Variants in RIMS1 observed in about 807,000 individuals in gnomAD.
The protein encoded by RIMS1 is regulating synaptic membrane exocytosis protein 1.
RIMS1 carries 83 observed loss-of-function variants against 214.1 expected under a neutral mutation model. The observed-to-expected ratio is 0.39, with a 90% CI of 0.32 to 0.47. RIMS1 has a LOEUF of 0.47. Among genes scored for constraint, RIMS1 ranks in the 20% least tolerant of loss-of-function variants. The pLI, the probability that RIMS1 is intolerant of heterozygous loss-of-function variation, is 0.99. For synonymous variants in RIMS1, 793 were observed against 786.8 expected (o/e 1.01, Z -0.13); for missense variants, 2,050 against 2,161.8 (o/e 0.95, Z 1.03).
At chr6:72,266,317 C>T (rs2080509918) in intron 22 of RIMS1, 2 of 483,870 alleles carry the variant, frequency 4.1e-6, no homozygotes, top group South Asian at 4.2e-5. Flanking sequence ...TGCTTTTCCC[C>T]TTTTGTTGCT....
chr6:72,019,875 G>A (rs1585038058), intron 2 of RIMS1, among the ~76,000 whole-genome samples: 1 of 152,130 alleles, frequency 6.6e-6, no homozygotes, highest in East Asian at 1.9e-4. Context: ...TGTCCAGATA[G>A]TTGGTCCTAA....
At chr6:72,080,343 G>A (rs889960609) in intron 2 of RIMS1, among the ~76,000 whole-genome samples, 11 of 152,146 alleles carry the variant, frequency 7.2e-5, no homozygotes, top group African/African-American at 2.7e-4. Context: ...CTCTGGGAGA[G>A]TTAAAGCAAG....
chr6:72,290,656 CT>C (rs2093232692), intron 24 of RIMS1, 22 bp from the exon 25 acceptor site: 3 of 1,603,076 alleles, frequency 1.9e-6, no homozygotes, highest in East Asian at 2.2e-5. Flanking sequence ...GACTGAAGAT[CT>C]TTTTTGGCCC....
chr6:71,964,382 G>T (rs978311925), intron 1 of RIMS1, among the ~76,000 whole-genome samples: 1 of 152,112 alleles, frequency 6.6e-6, no homozygotes. Context: ...AGTCACTCTG[G>T]CTGTTGTGTT....
At chr6:72,157,779 A>G (rs2044638452) in intron 4 of RIMS1, among the ~76,000 whole-genome samples, 1 of 140,472 alleles carries the variant, frequency 7.1e-6, no homozygotes, top group East Asian at 2.0e-4. Flanking sequence ...AGGTGGCACT[A>G]TATTTGTATT....
intron 24 of RIMS1, among the ~76,000 whole-genome samples, chr6:72,286,648 G>C (rs1158556856): frequency 6.6e-6 from 1 of 152,096 alleles, no homozygotes; most frequent in African/African-American, 2.4e-5. Flanking sequence ...AACTGGCCTG[G>C]GTTTTCTAAT....
Position 72,312,067 on chromosome 6 carries a change from T to C in RIMS1, c.3964-1439T>C, listed in dbSNP as rs563632029. On this transcript the variant is annotated intron_variant, in intron 27 of 33. Transcript: ENST00000521978. ...AACATGAGACCTTTCTCTAGGGTAA[T>C]TTTTAAGTGTTATTGTCTAATCTTC... Among the ~76,000 whole-genome samples the C allele has an allele frequency of 2.1e-3, 320 of 152,326 alleles. 4 individuals are homozygous for C. Among genetic ancestry groups the C allele is most frequent in the African/African-American group, 7.0e-3 (293 of 41,580 alleles).
intron 9 of RIMS1, among the ~76,000 whole-genome samples, chr6:72,241,764 A>T (rs546182397): frequency 6.6e-6 from 1 of 152,292 alleles, no homozygotes; most frequent in African/African-American, 2.4e-5. Context: ...GATGGGTGTG[A>T]ATTCAAATCC....
intron 29 of RIMS1, among the ~76,000 whole-genome samples, chr6:72,390,122 T>C (rs1050587173): frequency 3.3e-5 from 5 of 152,210 alleles, no homozygotes; most frequent in East Asian, 3.8e-4. Context: ...TTCATGAGGA[T>C]TGCTGATACG....
At chr6:72,110,211 T>G (rs995055349) in intron 4 of RIMS1, among the ~76,000 whole-genome samples, 2 of 152,210 alleles carry the variant, frequency 1.3e-5, no homozygotes, top group African/African-American at 4.8e-5. Flanking sequence ...ATATGAACTT[T>G]AAAGTAGTTT....
intron 1 of RIMS1, among the ~76,000 whole-genome samples, chr6:71,953,517 C>T (rs963338396): frequency 1.3e-5 from 2 of 152,106 alleles, no homozygotes; most frequent in African/African-American, 4.8e-5. Flanking sequence ...GGGGAAAAAG[C>T]ATTAAGTGTA....
intron 1 of RIMS1, among the ~76,000 whole-genome samples, chr6:71,892,801 C>T (rs1770350727): frequency 6.6e-6 from 1 of 152,036 alleles, no homozygotes; most frequent in South Asian, 2.1e-4. Flanking sequence ...AAGGCGAATC[C>T]TCTGCTTACA....
intron 1 of RIMS1, among the ~76,000 whole-genome samples, chr6:71,890,938 T>G (rs1273818243): frequency 2.0e-5 from 3 of 152,216 alleles, no homozygotes; most frequent in African/African-American, 7.2e-5. Context: ...CAATCATGAT[T>G]CAAAATCAGA....
At chr6:72,342,392 A>G (rs918626020) in intron 29 of RIMS1, among the ~76,000 whole-genome samples, 13 of 151,756 alleles carry the variant, frequency 8.6e-5, no homozygotes, top group South Asian at 2.1e-4. Flanking sequence ...AAGGTCTACA[A>G]TGGGTTAGAG....
At chr6:72,288,337 T>C (rs1023565012) in intron 24 of RIMS1, among the ~76,000 whole-genome samples, 1 of 152,224 alleles carries the variant, frequency 6.6e-6, no homozygotes, top group Non-Finnish European at 1.5e-5. Context: ...AACCTATAGA[T>C]ACATATATGC....
At chr6:71,894,451 A>C (rs2150374971) in intron 1 of RIMS1, among the ~76,000 whole-genome samples, 1 of 152,306 alleles carries the variant, frequency 6.6e-6, no homozygotes, top group East Asian at 1.9e-4. Context: ...GTCTGAAAAA[A>C]AAAAGGAAAT....
At chr6:72,383,906 C>G (rs1234683017) in intron 29 of RIMS1, among the ~76,000 whole-genome samples, 6 of 151,986 alleles carry the variant, frequency 3.9e-5, no homozygotes. Context: ...TCAGAATAAC[C>G]AAAAAGGTTA....
At position 71,980,816 on chromosome 6, in the gene RIMS1, G is replaced by A. The variant is rs1455447878; in HGVS notation, c.245+11753G>A. On this transcript the variant is annotated intron_variant, in intron 2 of 33. Coordinates refer to ENST00000521978, the MANE Select transcript of RIMS1 (RefSeq NM_014989.7). Reference sequence around the variant, plus strand: ...GACATTTGAAAGAAGAAACTGGTACGCCTTAATGACAAGTGGATGTAGTTA... The same window carrying A: ...GACATTTGAAAGAAGAAACTGGTACACCTTAATGACAAGTGGATGTAGTTA... Among the ~76,000 whole-genome samples, 9 of 152,110 alleles carry A rather than the reference G, an allele frequency of 5.9e-5. No homozygotes were observed. In the East Asian group the frequency reaches 9.7e-4, roughly 16 times the overall value.
chr6:71,975,664 T>G (rs1298573637), intron 2 of RIMS1, among the ~76,000 whole-genome samples: 1 of 152,166 alleles, frequency 6.6e-6, no homozygotes, highest in Non-Finnish European at 1.5e-5. Flanking sequence ...CCATCATCAC[T>G]ATGTAATTCA....
Sources: gnomAD v4.1 joint callset for allele counts (sites outside exome capture counted in the v4.1 genomes callset) on GRCh38, gnomAD v4.1.1 for gene constraint, MANE v1.5 for transcripts, NCBI Gene and HGNC (gene_info 2026-07-23, HGNC 2026-07-21) for gene names.